ATG4A: variants seen among roughly 807,000 people sequenced by gnomAD.
ATG4A encodes the protein autophagy related 4A cysteine peptidase, also known as cysteine protease ATG4A.
In ATG4A, 22 loss-of-function variants were observed where a neutral mutation model predicts 38.4. The ratio of observed to expected loss-of-function variants is 0.57; its 90% CI spans 0.41 to 0.82. ATG4A has a LOEUF of 0.82. Among genes scored for constraint, ATG4A ranks in the 40% least tolerant of loss-of-function variants. The pLI, the probability that ATG4A is intolerant of heterozygous loss-of-function variation, is 0.00. For synonymous variants in ATG4A, 86 were observed against 100.7 expected (o/e 0.85, Z 0.88); for missense variants, 220 against 290.0 (o/e 0.76, Z 1.75).
At chrX:108,146,416 T>C (rs2033423442) in intron 9 of ATG4A, among the ~76,000 whole-genome samples, 1 of 111,669 alleles carries the variant, frequency 9.0e-6, no homozygotes, top group Non-Finnish European at 1.9e-5. Context: ...AAAGCAATAG[T>C]CAGACTATTG....
chrX:108,149,143 T>C (rs1311061430), intron 9 of ATG4A, among the ~76,000 whole-genome samples: 1 of 113,282 alleles, frequency 8.8e-6, no homozygotes, highest in Non-Finnish European at 1.9e-5. Flanking sequence ...AACATGTAGA[T>C]GTGCCCAACA....
At position 108,153,076 on chromosome X, in the gene ATG4A, C is replaced by A; in HGVS notation, c.1115C>A (p.Thr372Asn). Residue 372 changes from threonine to asparagine, a missense_variant, in exon 12 of 13, where the codon ACC becomes AAC. Transcript: ENST00000372232. ...FVPPAKPEVT[T>N]TGAEFIDSTE... ...CCTCCAGCCAAGCCAGAAGTGACAA[C>A]CACTGGGGCAGGTAAGCTGTTGTTC... 1.7e-6 allele frequency: 2 copies of A among 1,204,120 alleles called. No homozygotes were observed. Among genetic ancestry groups the A allele is most frequent in the Non-Finnish European group, 2.3e-6 (2 of 888,589 alleles).
At chrX:108,147,706 T>C (rs1283527637) in intron 9 of ATG4A, among the ~76,000 whole-genome samples, 1 of 111,081 alleles carries the variant, frequency 9.0e-6, no homozygotes, top group Non-Finnish European at 1.9e-5. Flanking sequence ...GTTCCTTGGT[T>C]TTCCACGTAT....
intron 1 of ATG4A, 96 bp from the exon 2 acceptor site, chrX:108,125,981 C>T: frequency 1.9e-6 from 1 of 513,662 alleles, no homozygotes; most frequent in Non-Finnish European, 3.2e-6. Context: ...ATTCAAGCTG[C>T]TGACCTTTCA....
intron 1 of ATG4A, among the ~76,000 whole-genome samples, chrX:108,119,193 A>G (rs943075232): frequency 9.0e-6 from 1 of 111,638 alleles, no homozygotes; most frequent in Admixed American, 9.5e-5. Context: ...TGTCCAGTAA[A>G]TTTTTCTGAG....
intron 1 of ATG4A, among the ~76,000 whole-genome samples, chrX:108,123,866 G>A (rs772302847): frequency 2.4e-4 from 27 of 111,613 alleles, no homozygotes; most frequent in Non-Finnish European, 4.1e-4. Context: ...TAGAGAAATG[G>A]TATTTCTTTG....
At position 108,138,159 on chromosome X, in the gene ATG4A, C is replaced by T. The variant is rs751206158; in HGVS notation, c.782C>T (p.Pro261Leu). 1.2e-5 allele frequency: 15 copies of T among 1,208,180 alleles called. No homozygotes were observed. In the African/African-American group the frequency reaches 2.6e-4, roughly 21 times the overall value. Residue 261 changes from proline to leucine, a missense_variant, in exon 9 of 13, where the codon CCA becomes CTA. Pro to Leu is a moderately conservative substitution (Grantham distance 98). This residue lies in a region of ATG4A where 159 missense variants were observed against 188.9 expected (regional missense o/e 0.84). Coordinates refer to ENST00000372232, the MANE Select transcript of ATG4A (RefSeq NM_052936.5). Reference sequence around the variant, plus strand: ...TCTTTAGGGGCATTAGGAGGAAAACCAAATAACGCGTATTATTTCATAGGA... The same window carrying T: ...TCTTTAGGGGCATTAGGAGGAAAACTAAATAACGCGTATTATTTCATAGGA... The part of the protein sequence containing the change: ...PQSLGALGGK[P>L]NNAYYFIGFL...
chrX:108,129,122 T>C (rs2032880757), intron 3 of ATG4A, among the ~76,000 whole-genome samples: 1 of 112,725 alleles, frequency 8.9e-6, no homozygotes, highest in Non-Finnish European at 1.9e-5. Context: ...TGTTATACTT[T>C]TGAGATTAAG....
chrX:108,141,071 C>CATATATATACATAT (rs1324240952), intron 9 of ATG4A, among the ~76,000 whole-genome samples: 3 of 35,066 alleles, frequency 8.6e-5, no homozygotes, highest in African/African-American at 3.8e-4. Context: ...TATATATATA[C>CATATATATACATAT]ATATATATAT....
In ATG4A at chrX:108,134,328, A is replaced by G. The variant is rs754450689; in HGVS notation, c.395-11A>G. 52 of 1,203,835 alleles carry G rather than the reference A, an allele frequency of 4.3e-5. 1 individual carries two copies. The Admixed American group carries it at 1.1e-3, about 25-fold the overall frequency. ...TTGCTAACATGTTATTTTTTTCCAC[A>G]TTAAAAACAGCACAAATGGGTGTAG... On this transcript the variant is annotated splice_polypyrimidine_tract_variant and intron_variant, in intron 5 of 12. Coordinates refer to ENST00000372232, the MANE Select transcript of ATG4A (RefSeq NM_052936.5).
Position 108,153,627 on chromosome X carries a change from T to C in ATG4A, c.1127-15T>C. The C allele has an allele frequency of 1.7e-6, 2 of 1,189,261 alleles. No homozygotes were observed. The highest frequency in any genetic ancestry group is 2.3e-6 in the Non-Finnish European group (2 of 876,755). ...TGTCAAGCTTTTCTTCTTTCTCATT[T>C]CCGTATTCTGATAGAATTCATTGAC... On this transcript the variant is annotated splice_polypyrimidine_tract_variant and intron_variant, in intron 12 of 12. Coordinates refer to ENST00000372232, the MANE Select transcript of ATG4A (RefSeq NM_052936.5).
chrX:108,150,266 A>G lies in ATG4A; in HGVS notation c.929A>G (p.Asn310Ser). 1.6e-6 allele frequency: 2 copies of G among 1,212,205 alleles called. No homozygotes were observed. The highest frequency in any genetic ancestry group is 2.2e-6 in the Non-Finnish European group (2 of 895,605). ...TGCCTGCAGTCCCCACAGCGAATGA[A>G]CATCCTAAACCTGGATCCTTCAGTT... is the stretch of plus-strand genomic sequence containing the variant. ...FHCLQSPQRM[N>S]ILNLDPSVAL... Residue 310 changes from asparagine to serine, a missense_variant, in exon 10 of 13, where the codon AAC (asparagine) becomes AGC (serine). By Grantham distance (46) the Asn-to-Ser change is conservative. This residue lies in a region of ATG4A where 159 missense variants were observed against 188.9 expected (regional missense o/e 0.84). Coordinates refer to ENST00000372232, the MANE Select transcript of ATG4A (RefSeq NM_052936.5).
chrX:108,126,917 C>A, intron 2 of ATG4A: 1 of 419,889 alleles, frequency 2.4e-6, no homozygotes, highest in Non-Finnish European at 4.0e-6. Context: ...TTCAGAGGCC[C>A]TCACTTAGCG....
chrX:108,118,323 G>C (rs1404123931), intron 1 of ATG4A, among the ~76,000 whole-genome samples: 1 of 111,382 alleles, frequency 9.0e-6, no homozygotes, highest in Non-Finnish European at 1.9e-5. Flanking sequence ...CCTGTGCTTA[G>C]AATCCAGCTT....
intron 9 of ATG4A, among the ~76,000 whole-genome samples, chrX:108,142,345 C>T (rs2033320975): frequency 9.0e-6 from 1 of 110,824 alleles, no homozygotes; most frequent in South Asian, 3.8e-4. Context: ...CGCTTGAGCC[C>T]AGGAGGTCAA....
chrX:108,141,100 A>C (rs2033280152), intron 9 of ATG4A, among the ~76,000 whole-genome samples: 2 of 81,996 alleles, frequency 2.4e-5, no homozygotes, highest in African/African-American at 9.2e-5. Context: ...ATATATATAT[A>C]TATATATATC....
At chrX:108,091,590 G>C, upstream of ATG4A, 3 of 1,037,223 alleles carry the variant, frequency 2.9e-6, no homozygotes, top group Non-Finnish European at 4.1e-6. Flanking sequence ...GGCTACGCCA[G>C]TCAAAACAGC....
At chrX:108,093,698 T>G (rs769986278) in intron 1 of ATG4A, among the ~76,000 whole-genome samples, 1 of 112,181 alleles carries the variant, frequency 8.9e-6, no homozygotes, top group Non-Finnish European at 1.9e-5. Context: ...TGTATGAGAG[T>G]TCCTGTTTCT....
At position 108,129,252 on chromosome X, in the gene ATG4A, TG is replaced by T. The variant is rs1397759410; in HGVS notation, c.193+401del. ...CTTGAAAGAAAGAAAATAATTTATT[TG>T]TTTTTTTTCCCCCTTATGACATGAA... is the stretch of plus-strand genomic sequence containing the variant. On this transcript the variant is annotated intron_variant, in intron 3 of 12. Transcript: ENST00000372232. 2.7e-5 allele frequency among the ~76,000 whole-genome samples: 3 copies of T among 112,544 alleles called. No homozygotes were observed. In the South Asian group the frequency reaches 1.1e-3, roughly 41 times the overall value.
Sources: allele counts gnomAD v4.1 joint callset (sites outside exome capture counted in the v4.1 genomes callset), GRCh38; gene constraint gnomAD v4.1.1; regional missense constraint gnomAD v4.1.1; transcripts MANE v1.5; gene names NCBI Gene and HGNC (gene_info 2026-07-23, HGNC 2026-07-21).